The following PLXDC2 variants were observed in gnomAD, a reference collection of about 807,000 sequenced individuals.
The protein encoded by PLXDC2 is plexin domain containing 2, also known as plexin domain-containing protein 2.
In PLXDC2, 40 loss-of-function variants were observed where a neutral mutation model predicts 68.9. The ratio of observed to expected loss-of-function variants is 0.58; its 90% CI spans 0.45 to 0.76. The LOEUF (loss-of-function observed/expected upper bound fraction) is 0.76. Ranked by LOEUF, PLXDC2 falls within the 30% of genes least tolerant of loss-of-function variation. PLXDC2 has a pLI of 0.00. For missense variants in PLXDC2, 644 were observed against 661.9 expected, an observed-to-expected ratio of 0.97 and a Z score of 0.30; for synonymous variants, 243 against 234.2, an observed-to-expected ratio of 1.04 and a Z score of -0.34.
intron 12 of PLXDC2, among the ~76,000 whole-genome samples, chr10:20,244,683 A>T (rs1215022386): frequency 6.6e-6 from 1 of 152,250 alleles, no homozygotes; most frequent in Non-Finnish European, 1.5e-5. Context: ...TTTCAAAATT[A>T]ATCAGCTTTT....
chr10:19,974,396 T>C (rs1037450506), intron 1 of PLXDC2, among the ~76,000 whole-genome samples: 4 of 152,204 alleles, frequency 2.6e-5, no homozygotes, highest in African/African-American at 9.7e-5. Flanking sequence ...TGGGCTGAAA[T>C]GTTGGTGACA....
At chr10:19,830,309 G>C (rs571192413) in intron 1 of PLXDC2, among the ~76,000 whole-genome samples, 6 of 152,310 alleles carry the variant, frequency 3.9e-5, no homozygotes, top group African/African-American at 1.2e-4. Context: ...TCAGGGACTT[G>C]AGTTAACTCT....
chr10:20,004,595 T>C (rs1834995916), intron 2 of PLXDC2, among the ~76,000 whole-genome samples: 1 of 152,036 alleles, frequency 6.6e-6, no homozygotes, highest in African/African-American at 2.4e-5. Flanking sequence ...CACGACAAAA[T>C]GCAAAAAATC....
intron 1 of PLXDC2, among the ~76,000 whole-genome samples, chr10:19,831,691 T>C (rs1232998292): frequency 6.6e-6 from 1 of 152,182 alleles, no homozygotes; most frequent in Non-Finnish European, 1.5e-5. Flanking sequence ...ATATTTGGTT[T>C]TCTGTTCGTG....
intron 1 of PLXDC2, among the ~76,000 whole-genome samples, chr10:19,850,630 C>A (rs1035721306): frequency 6.6e-6 from 1 of 152,182 alleles, no homozygotes; most frequent in Non-Finnish European, 1.5e-5. Flanking sequence ...CTAAAGCAAA[C>A]AACCTGCATT....
At chr10:20,095,678 G>A (rs774313624) in intron 4 of PLXDC2, among the ~76,000 whole-genome samples, 5 of 152,158 alleles carry the variant, frequency 3.3e-5, no homozygotes, top group South Asian at 4.1e-4. Context: ...CTACTGAGGA[G>A]TACAGATGTT....
At chr10:20,246,853 T>TA (rs1356511911) in intron 13 of PLXDC2, among the ~76,000 whole-genome samples, 1 of 152,244 alleles carries the variant, frequency 6.6e-6, no homozygotes, top group Non-Finnish European at 1.5e-5. Flanking sequence ...GCCTTTTTTT[T>TA]AATGACTTTT....
intron 4 of PLXDC2, among the ~76,000 whole-genome samples, chr10:20,140,933 G>T (rs1833998656): frequency 6.6e-6 from 1 of 151,630 alleles, no homozygotes; most frequent in South Asian, 2.1e-4. Context: ...AGTAATAGTA[G>T]TGCCAGACAT....
intron 1 of PLXDC2, among the ~76,000 whole-genome samples, chr10:19,991,045 G>A (rs1456435228): frequency 2.0e-5 from 3 of 152,078 alleles, no homozygotes; most frequent in Middle Eastern, 3.4e-3. Flanking sequence ...TCAGGAGTTC[G>A]AGACCAGCCT....
chr10:20,012,914 G>A (rs2131645976), intron 2 of PLXDC2, among the ~76,000 whole-genome samples: 1 of 152,236 alleles, frequency 6.6e-6, no homozygotes, highest in Non-Finnish European at 1.5e-5. Flanking sequence ...GGGAACGGTT[G>A]TTTTGAGTTA....
At chr10:20,205,438 G>A (rs1225654572) in intron 9 of PLXDC2, among the ~76,000 whole-genome samples, 1 of 152,042 alleles carries the variant, frequency 6.6e-6, no homozygotes, top group Admixed American at 6.6e-5. Context: ...ACAAAACCAT[G>A]TAATTTCTGT....
intron 9 of PLXDC2, among the ~76,000 whole-genome samples, chr10:20,209,614 C>T (rs528123257): frequency 3.2e-4 from 48 of 152,014 alleles, no homozygotes; most frequent in Non-Finnish European, 5.6e-4. Context: ...GTGTTCCGCC[C>T]GGCTCACCAG....
At chr10:20,256,885 A>G (rs1169584349) in intron 13 of PLXDC2, among the ~76,000 whole-genome samples, 4 of 152,214 alleles carry the variant, frequency 2.6e-5, no homozygotes, top group Non-Finnish European at 5.9e-5. Context: ...AAAATTTATC[A>G]TATTTTTCAT....
chr10:20,206,258 G>T (rs1309527757), intron 9 of PLXDC2, among the ~76,000 whole-genome samples: 1 of 152,086 alleles, frequency 6.6e-6, no homozygotes, highest in African/African-American at 2.4e-5. Context: ...CAAACAATTG[G>T]ATTCCAAAGC....
intron 2 of PLXDC2, among the ~76,000 whole-genome samples, chr10:20,039,026 C>G (rs947786295): frequency 2.6e-5 from 4 of 152,126 alleles, no homozygotes; most frequent in African/African-American, 9.7e-5. Context: ...CTGAAATGAA[C>G]TGATTGGATA....
intron 9 of PLXDC2, among the ~76,000 whole-genome samples, chr10:20,211,393 A>G (rs979573486): frequency 1.3e-5 from 2 of 152,200 alleles, no homozygotes; most frequent in Non-Finnish European, 2.9e-5. Flanking sequence ...ATCTTTGTGC[A>G]GGGATCTAGG....
In PLXDC2 at chr10:20,282,711, A is replaced by G. The variant is rs967226419; in HGVS notation, c.*2892A>G. On this transcript the variant is annotated 3_prime_UTR_variant, in exon 14 of 14. Transcript: ENST00000377252. ...CAAAAATTCAAAAAATTGCAACCTC[A>G]GGCATAAATGGCTTAAGCCCAAGAG... 1 of 152,214 alleles carries G rather than the reference A, an allele frequency of 6.6e-6. No homozygotes were observed. The highest frequency in any genetic ancestry group is 2.4e-5 in the African/African-American group (1 of 41,462). 9.4% of individuals were successfully genotyped at this position (152,214 alleles called of 1,614,324 possible).
intron 12 of PLXDC2, among the ~76,000 whole-genome samples, chr10:20,230,957 G>T (rs961700903): frequency 6.6e-6 from 1 of 150,488 alleles, no homozygotes; most frequent in Admixed American, 6.6e-5. Context: ...CTCTTTGACT[G>T]CAAAAGAATC....
chr10:19,907,987 G>T (rs1351346722), intron 1 of PLXDC2, among the ~76,000 whole-genome samples: 2 of 152,072 alleles, frequency 1.3e-5, no homozygotes, highest in Non-Finnish European at 2.9e-5. Context: ...TTCATTATAA[G>T]ATTTAATCGC....
Sources: allele counts gnomAD v4.1 joint callset (sites outside exome capture counted in the v4.1 genomes callset), GRCh38; gene constraint gnomAD v4.1.1; transcripts MANE v1.5; gene names NCBI Gene and HGNC (gene_info 2026-07-23, HGNC 2026-07-21).